The following ALPK3 variants were observed in gnomAD, a reference collection of about 807,000 sequenced individuals.
ALPK3 encodes alpha-protein kinase 3.
Under a neutral mutation model 140.0 loss-of-function variants are expected in ALPK3, and 102 were observed. That is an observed-to-expected ratio of 0.73 (90% confidence interval 0.62 to 0.86). The LOEUF (loss-of-function observed/expected upper bound fraction) is 0.86. Ranked by LOEUF, ALPK3 falls within the 40% of genes least tolerant of loss-of-function variation. The probability of loss-of-function intolerance (pLI) is 0.00; values close to 1 mark genes in which losing one functional copy is unlikely to be tolerated. For synonymous variants in ALPK3, 938 were observed against 898.5 expected (o/e 1.04, Z -0.79); for missense variants, 2,254 against 2,208.2 (o/e 1.02, Z -0.42).
At chr15:84,843,464 A>C (rs576330412) in intron 5 of ALPK3, among the ~76,000 whole-genome samples, 15 of 152,156 alleles carry the variant, frequency 9.9e-5, no homozygotes, top group Non-Finnish European at 1.9e-4. Context: ...ATTAGAGCCC[A>C]TGGTCTCAAG....
intron 5 of ALPK3, among the ~76,000 whole-genome samples, chr15:84,847,609 G>A (rs1596152144): frequency 6.6e-6 from 1 of 152,188 alleles, no homozygotes; most frequent in African/African-American, 2.4e-5. Context: ...AGGCCAAAAG[G>A]AAGTGGAACA....
rs1229855365 is a variant in ALPK3, at chr15:84,871,433, G to C, written c.*2977G>C. On this transcript the variant is annotated 3_prime_UTR_variant, in exon 14 of 14. Transcript: ENST00000258888. ...ACTTCTTTATAATGAGCCTGAAGTG[G>C]CCTGGTGGCTGCCTCAGCTTCCAGT... 1 of 152,206 alleles carries C rather than the reference G, an allele frequency of 6.6e-6. No individual in the cohort carries two copies. Among genetic ancestry groups the C allele is most frequent in the Non-Finnish European group, 1.5e-5 (1 of 68,050 alleles). 9.4% of individuals were successfully genotyped at this position (152,206 alleles called of 1,614,324 possible).
chr15:84,822,761 G>A (rs1434138885), intron 1 of ALPK3, among the ~76,000 whole-genome samples: 1 of 152,198 alleles, frequency 6.6e-6, no homozygotes, highest in East Asian at 1.9e-4. Context: ...GGAGCTGGGT[G>A]CCTCCCAGCT....
Position 84,839,872 on chromosome 15 carries a change from A to T in ALPK3, c.593A>T (p.Gln198Leu). ...GCGGCAAAGCTGCGCGAGATCGAGC[A>T]GAGCTGGAAGCACGAGAAGGCGGTG... The part of the protein sequence containing the change: ...KAAAKLREIE[Q>L]SWKHEKAVPG... The change falls in exon 5 of 14, where the codon CAG (glutamine) becomes CTG (leucine). Residue 198 changes from glutamine to leucine, a missense_variant. Around this residue, in one of 3 missense-constraint regions of ALPK3, gnomAD observed 2,088 missense variants for 2,022.9 expected, o/e 1.03. Coordinates refer to ENST00000258888, the MANE Select transcript of ALPK3 (RefSeq NM_020778.5). 1 of 1,614,146 alleles carries T rather than the reference A, an allele frequency of 6.2e-7. No individual in the cohort carries two copies. The highest frequency in any genetic ancestry group is 8.5e-7 in the Non-Finnish European group (1 of 1,180,036).
Position 84,864,520 on chromosome 15 carries a change from C to A in ALPK3, c.4578C>A (p.Pro1526=), listed in dbSNP as rs754618050. The change falls in exon 12 of 14, where the codon CCC becomes CCA. Residue 1526 remains proline, a synonymous_variant. Coordinates refer to ENST00000258888, the MANE Select transcript of ALPK3 (RefSeq NM_020778.5). ...YATLEEDLGK[P]LESYCSREWG... Reference sequence around the variant, plus strand: ...CCCTGGAGGAAGACCTGGGCAAGCCCCTGGAGTCTTACTGTTCTCGGGAAT... The same window carrying A: ...CCCTGGAGGAAGACCTGGGCAAGCCACTGGAGTCTTACTGTTCTCGGGAAT... The A allele has an allele frequency of 5.6e-6, 9 of 1,614,072 alleles. No homozygotes were observed. In the South Asian group the frequency reaches 7.7e-5, roughly 14 times the overall value.
intron 3 of ALPK3, among the ~76,000 whole-genome samples, chr15:84,834,210 G>A (rs35808647): frequency 0.2 from 30,139 of 152,102 alleles, 3,791 homozygotes; most frequent in Middle Eastern, 0.38. Context: ...AGGAAACCTA[G>A]GGCTTTGCCA....
At chr15:84,863,066 G>A in intron 10 of ALPK3, 151 bp downstream of exon 10, 1 of 1,105,024 alleles carries the variant, frequency 9.0e-7, no homozygotes, top group Non-Finnish European at 1.3e-6. Flanking sequence ...TGGAAAGCCT[G>A]AGATGCAGCC....
intron 2 of ALPK3, among the ~76,000 whole-genome samples, chr15:84,826,349 G>A (rs1444286306): frequency 6.6e-6 from 1 of 152,142 alleles, no homozygotes; most frequent in Non-Finnish European, 1.5e-5. Flanking sequence ...TTCCTCTAAG[G>A]CACAGGGAAA....
At chr15:84,831,388 G>C (rs1963544065) in intron 3 of ALPK3, among the ~76,000 whole-genome samples, 1 of 152,110 alleles carries the variant, frequency 6.6e-6, no homozygotes, top group African/African-American at 2.4e-5. Flanking sequence ...CCTGGTCGTG[G>C]ACTTTTATTT....
intron 5 of ALPK3, among the ~76,000 whole-genome samples, chr15:84,850,815 A>G (rs1025033668): frequency 2.0e-5 from 3 of 151,732 alleles, no homozygotes; most frequent in African/African-American, 7.3e-5. Flanking sequence ...CATTCTGCTC[A>G]CACCATTTTT....
At chr15:84,849,099 G>A (rs946832435) in intron 5 of ALPK3, among the ~76,000 whole-genome samples, 2 of 151,734 alleles carry the variant, frequency 1.3e-5, no homozygotes, top group Non-Finnish European at 2.9e-5. Flanking sequence ...TCGAGATCAC[G>A]CCATTGCACT....
intron 11 of ALPK3, 127 bp from the exon 12 acceptor site, chr15:84,864,315 G>T: frequency 1.0e-6 from 1 of 979,096 alleles, no homozygotes; most frequent in Non-Finnish European, 1.5e-6. Context: ...CTGTCCTTTG[G>T]GCTCGGAGCT....
At chr15:84,823,584 G>A (rs1216842606) in intron 2 of ALPK3, among the ~76,000 whole-genome samples, 1 of 152,136 alleles carries the variant, frequency 6.6e-6, no homozygotes, top group South Asian at 2.1e-4. Context: ...GATGGGCACA[G>A]GATCTCAGGA....
chr15:84,825,554 G>A lies in ALPK3; in HGVS notation c.183-1930G>A, dbSNP rs555667491. Among the ~76,000 whole-genome samples the A allele has an allele frequency of 2.0e-4, 30 of 152,302 alleles. No homozygotes were observed. In the South Asian group the frequency reaches 6.0e-3, roughly 30 times the overall value. ...GTTTCCCTGTTGTCTCACTTATCCA[G>A]TAGCTGAAATGATTTCCTTAGACTT... is the stretch of plus-strand genomic sequence containing the variant. On this transcript the variant is annotated intron_variant, in intron 2 of 13. Transcript: ENST00000258888.
Position 84,859,269 on chromosome 15 carries a change from G to T in ALPK3, c.3844G>T (p.Val1282Leu). 1 of 1,614,170 alleles carries T rather than the reference G, an allele frequency of 6.2e-7. No homozygotes were observed. Among genetic ancestry groups the T allele is most frequent in the South Asian group, 1.1e-5 (1 of 91,088 alleles). Residue 1282 changes from valine (V) to leucine (L), a missense_variant, in exon 7 of 14, where the codon GTG becomes TTG. By Grantham distance (32) the Val-to-Leu change is conservative. This residue lies in a region of ALPK3 where 2,088 missense variants were observed against 2,022.9 expected (regional missense o/e 1.03). Coordinates refer to ENST00000258888, the MANE Select transcript of ALPK3 (RefSeq NM_020778.5). Reference sequence around the variant, plus strand: ...CCCACAGGTGATCCGGAAGATTCGGGTGGAGCAGTTTCCTGATGCCTCCGG... The same window carrying T: ...CCCACAGGTGATCCGGAAGATTCGGTTGGAGCAGTTTCCTGATGCCTCCGG... ...KAPQVIRKIR[V>L]EQFPDASGSL...
chr15:84,830,236 C>T (rs1387890847), intron 3 of ALPK3, among the ~76,000 whole-genome samples: 2 of 151,758 alleles, frequency 1.3e-5, no homozygotes, highest in Non-Finnish European at 1.5e-5. Context: ...AGATATTCCT[C>T]TTGGAGCTCT....
At chr15:84,817,813 G>A (rs548624809) in intron 1 of ALPK3, among the ~76,000 whole-genome samples, 11 of 152,286 alleles carry the variant, frequency 7.2e-5, no homozygotes, top group African/African-American at 2.6e-4. Context: ...CTGGCAATTC[G>A]AGGCTCAAGA....
At chr15:84,860,141 G>A in intron 9 of ALPK3, 69 bp downstream of exon 9, 1 of 1,574,818 alleles carries the variant, frequency 6.3e-7, no homozygotes, top group Non-Finnish European at 8.7e-7. Flanking sequence ...CCCTCTTTAA[G>A]GGCTTGGAAT....
chr15:84,828,936 C>T (rs924819590), intron 3 of ALPK3, among the ~76,000 whole-genome samples: 14 of 152,166 alleles, frequency 9.2e-5, no homozygotes, highest in Admixed American at 2.0e-4. Flanking sequence ...TAGAAAAACC[C>T]GGTTCTTTCA....
Sources: allele counts gnomAD v4.1 joint callset (sites outside exome capture counted in the v4.1 genomes callset), GRCh38; gene constraint gnomAD v4.1.1; regional missense constraint gnomAD v4.1.1; transcripts MANE v1.5; gene names NCBI Gene and HGNC (gene_info 2026-07-23, HGNC 2026-07-21).